PBLD: variants seen among roughly 807,000 people sequenced by gnomAD.
The protein encoded by PBLD is phenazine biosynthesis like protein domain containing.
In PBLD, 26 loss-of-function variants were observed where a neutral mutation model predicts 31.3. The observed-to-expected ratio is 0.83, with a 90% CI of 0.61 to 1.15. The LOEUF (loss-of-function observed/expected upper bound fraction) is 1.15, where lower values mean the gene tolerates loss of function less well. Ranked by LOEUF, PBLD falls within the 50% of genes most tolerant of loss-of-function variation. The probability of loss-of-function intolerance (pLI) is 0.00; values close to 1 mark genes in which losing one functional copy is unlikely to be tolerated. For missense variants in PBLD, 307 were observed against 351.7 expected (o/e 0.87, Z 1.02); for synonymous variants, 114 against 129.0 (o/e 0.88, Z 0.79).
intron 1 of PBLD, among the ~76,000 whole-genome samples, chr10:68,316,564 A>T (rs1461050142): frequency 1.3e-5 from 2 of 152,262 alleles, no homozygotes; most frequent in Non-Finnish European, 2.9e-5. Context: ...AAAGTGGCAG[A>T]GAAATTACTC....
chr10:68,315,418 C>G (rs2044723995), intron 1 of PBLD, among the ~76,000 whole-genome samples: 1 of 151,768 alleles, frequency 6.6e-6, no homozygotes, highest in Non-Finnish European at 1.5e-5. Context: ...AACCCTGTCT[C>G]TACTAAAAAT....
In PBLD at chr10:68,296,877, C is replaced by T. The variant is rs752841818; in HGVS notation, c.184+9G>A. 4 of 1,596,632 alleles carry T rather than the reference C, an allele frequency of 2.5e-6. No individual in the cohort carries two copies. The highest frequency in any genetic ancestry group is 3.4e-6 in the Non-Finnish European group (4 of 1,165,652). On this transcript the variant is annotated intron_variant, in intron 3 of 9. Transcript: ENST00000358769. ...GAACAGTTCTTAAAAAAAAAAAATG[C>T]ATATTTACTTTGTGCAAAGTTGTCT...
chr10:68,311,751 CAAA>C (rs987918906), intron 1 of PBLD, among the ~76,000 whole-genome samples: 4 of 59,880 alleles, frequency 6.7e-5, no homozygotes, highest in African/African-American at 6.8e-5. Flanking sequence ...GACCCTGCCT[CAAA>C]AAAAAAAAAA....
At chr10:68,324,400 C>G (rs1222565413) in intron 1 of PBLD, among the ~76,000 whole-genome samples, 4 of 152,108 alleles carry the variant, frequency 2.6e-5, no homozygotes, top group Non-Finnish European at 4.4e-5. Flanking sequence ...TGGTCTCGAT[C>G]TCTTGACCTC....
chr10:68,290,306 T>G (rs565750672), intron 6 of PBLD, among the ~76,000 whole-genome samples: 1 of 152,334 alleles, frequency 6.6e-6, no homozygotes, highest in African/African-American at 2.4e-5. Flanking sequence ...TCTGTGACTA[T>G]GGGCTGACCA....
intron 1 of PBLD, among the ~76,000 whole-genome samples, chr10:68,320,446 A>G (rs183744930): frequency 7.2e-5 from 11 of 152,334 alleles, no homozygotes; most frequent in Admixed American, 2.6e-4. Flanking sequence ...GGTATCCACA[A>G]GGCACTGGTT....
At chr10:68,303,292 G>T (rs950009161) in intron 2 of PBLD, among the ~76,000 whole-genome samples, 1 of 151,978 alleles carries the variant, frequency 6.6e-6, no homozygotes, top group South Asian at 2.1e-4. Flanking sequence ...CACCATGTTG[G>T]CCAGGGTGGT....
chr10:68,331,856 T>C (rs2045112202), intron 1 of PBLD: 1 of 152,292 alleles, frequency 6.6e-6, no homozygotes, highest in African/African-American at 2.4e-5. Context: ...AGAAAAACGG[T>C]GCGCGCTGCA....
At position 68,296,358 on chromosome 10, in the gene PBLD, C is replaced by A; in HGVS notation, c.191G>T (p.Cys64Phe). 6.2e-7 allele frequency: 1 copy of A among 1,613,070 alleles called. No homozygotes were observed. Among genetic ancestry groups the A allele is most frequent in the Non-Finnish European group, 8.5e-7 (1 of 1,179,252 alleles). ...TGGTGTAAACCATCTCAGTCCAAAG[C>A]AGGAACCTGAGGATAGGAAAAGCCA... The part of the protein sequence containing the change: ...HPTDNFAQSS[C>F]FGLRWFTPAS... Residue 64 changes from cysteine to phenylalanine, a missense_variant, in exon 4 of 10, where the codon TGC becomes TTC. Transcript: ENST00000358769.
At chr10:68,317,006 C>G (rs1404164453) in intron 1 of PBLD, among the ~76,000 whole-genome samples, 1 of 151,836 alleles carries the variant, frequency 6.6e-6, no homozygotes, top group Non-Finnish European at 1.5e-5. Flanking sequence ...GAGTAAGACT[C>G]CATCTCAAAA....
At chr10:68,327,498 T>C (rs903581744) in intron 1 of PBLD, among the ~76,000 whole-genome samples, 5 of 151,750 alleles carry the variant, frequency 3.3e-5, no homozygotes, top group African/African-American at 1.2e-4. Flanking sequence ...ATCAACATGG[T>C]GAAACCCCGT....
chr10:68,288,171 A>G (rs889401164), intron 8 of PBLD: 1 of 352,844 alleles, frequency 2.8e-6, no homozygotes. Flanking sequence ...ATGAGGTATT[A>G]TATACAATTT....
intron 4 of PBLD, 84 bp downstream of exon 4, chr10:68,296,182 A>T: frequency 9.8e-7 from 1 of 1,017,172 alleles, no homozygotes; most frequent in African/African-American, 1.6e-5. Flanking sequence ...GTCACTTTGG[A>T]CCATCAGAAA....
chr10:68,284,502 C>T (rs1282864310), intron 9 of PBLD, among the ~76,000 whole-genome samples: 3 of 152,164 alleles, frequency 2.0e-5, no homozygotes. Context: ...CACACAGCTC[C>T]ACATACTCCC....
At position 68,288,574 on chromosome 10, in the gene PBLD, A is replaced by C; in HGVS notation, c.600T>G (p.Leu200=). 1 of 1,614,194 alleles carries C rather than the reference A, an allele frequency of 6.2e-7. No homozygotes were observed. Among genetic ancestry groups the C allele is most frequent in the Non-Finnish European group, 8.5e-7 (1 of 1,180,038 alleles). The part of the protein sequence containing the change: ...TGKVKGLILT[L]KGEPGGQTQA... Reference sequence around the variant, plus strand: ...GGGTCTGCCCACCAGGCTCTCCTTTAAGGGTAAGAATAAGCCCTTTCACCT... The same window carrying C: ...GGGTCTGCCCACCAGGCTCTCCTTTCAGGGTAAGAATAAGCCCTTTCACCT... Residue 200 remains leucine, a synonymous_variant, in exon 8 of 10, where the codon CTT becomes CTG. Transcript: ENST00000358769.
chr10:68,321,568 C>CA (rs2044835471), intron 1 of PBLD, among the ~76,000 whole-genome samples: 1 of 151,860 alleles, frequency 6.6e-6, no homozygotes, highest in Non-Finnish European at 1.5e-5. Context: ...TTGGGAAATT[C>CA]AAAAAAATGT....
chr10:68,288,120 C>T (rs4746752), intron 8 of PBLD: 150,737 of 200,410 alleles, frequency 0.75, 57,715 homozygotes, highest in Middle Eastern at 0.84. Context: ...GTGCCAGGCA[C>T]TGTATTAAGC....
intron 1 of PBLD, among the ~76,000 whole-genome samples, chr10:68,314,003 G>T (rs925131474): frequency 1.3e-5 from 2 of 151,982 alleles, no homozygotes; most frequent in African/African-American, 4.8e-5. Flanking sequence ...TGGAGACAAA[G>T]TCTCACCCTC....
chr10:68,303,178 A>G (rs1431961408), intron 2 of PBLD, among the ~76,000 whole-genome samples: 1 of 151,656 alleles, frequency 6.6e-6, no homozygotes, highest in East Asian at 1.9e-4. Context: ...GGTTCAAGCA[A>G]CTCGCCTGCC....
Sources: gnomAD v4.1 joint callset for allele counts (sites outside exome capture counted in the v4.1 genomes callset) on GRCh38, gnomAD v4.1.1 for gene constraint, MANE v1.5 for transcripts, NCBI Gene and HGNC (gene_info 2026-07-23, HGNC 2026-07-21) for gene names.